ST6GAL2: variants seen among roughly 807,000 people sequenced by gnomAD.
ST6GAL2 encodes beta-galactoside alpha-2,6-sialyltransferase 2.
A neutral mutation model predicts 37.5 loss-of-function variants in ST6GAL2; 24 were observed. That is an observed-to-expected ratio of 0.64 (90% confidence interval 0.46 to 0.90). ST6GAL2 has a LOEUF of 0.90. Among genes scored for constraint, ST6GAL2 ranks in the 40% least tolerant of loss-of-function variants. The pLI, the probability that ST6GAL2 is intolerant of heterozygous loss-of-function variation, is 0.00. For synonymous variants in ST6GAL2, 306 were observed against 295.1 expected (o/e 1.04, Z -0.38); for missense variants, 715 against 712.7 (o/e 1.00, Z -0.04).
At chr2:106,827,656 C>T (rs913718364) in intron 5 of ST6GAL2, among the ~76,000 whole-genome samples, 2 of 152,152 alleles carry the variant, frequency 1.3e-5, no homozygotes, top group African/African-American at 2.4e-5. Context: ...GTCTACATAA[C>T]GTTCTGGGAC....
intron 1 of ST6GAL2, among the ~76,000 whole-genome samples, chr2:106,879,734 A>T (rs28588715): frequency 6.8e-6 from 1 of 146,830 alleles, no homozygotes; most frequent in Middle Eastern, 3.8e-3. Flanking sequence ...TATATAGACC[A>T]ATTATATATT....
intron 1 of ST6GAL2, among the ~76,000 whole-genome samples, chr2:106,861,881 C>T (rs1245757638): frequency 6.6e-6 from 1 of 152,114 alleles, no homozygotes; most frequent in Non-Finnish European, 1.5e-5. Flanking sequence ...ATCTGCCCGC[C>T]TTTGGCCTCC....
At position 106,806,740 on chromosome 2, in the gene ST6GAL2, C is replaced by A; in HGVS notation, c.1528G>T (p.Val510Phe). 1 of 1,614,172 alleles carries A rather than the reference C, an allele frequency of 6.2e-7. No individual in the cohort carries two copies. The highest frequency in any genetic ancestry group is 8.5e-7 in the Non-Finnish European group (1 of 1,180,028). The change falls in exon 6 of 6, where the codon GTT (valine) becomes TTT (phenylalanine). Residue 510 changes from valine (V) to phenylalanine (F), a missense_variant. Transcript: ENST00000409382. ...QGDLHRKGKV[V>F]LPGFQAVHCP... ...TGCACCGCCTGGAAGCCGGGAAGAA[C>A]CACCTTGCCCTTGCGATGCAAATCC...
chr2:106,816,662 A>G (rs1428062994), intron 5 of ST6GAL2, among the ~76,000 whole-genome samples: 2 of 152,224 alleles, frequency 1.3e-5, no homozygotes, highest in Non-Finnish European at 2.9e-5. Flanking sequence ...AGGGAGGCAG[A>G]GCAAGATGGC....
intron 5 of ST6GAL2, among the ~76,000 whole-genome samples, chr2:106,826,737 T>C (rs41326651): frequency 0.11 from 16,631 of 152,126 alleles, 1,221 homozygotes; most frequent in African/African-American, 0.17. Flanking sequence ...TTTAGAAATA[T>C]AAGTAATGGC....
At chr2:106,852,801 A>T (rs968573972) in intron 1 of ST6GAL2, among the ~76,000 whole-genome samples, 3 of 152,176 alleles carry the variant, frequency 2.0e-5, no homozygotes, top group African/African-American at 7.2e-5. Flanking sequence ...CAGTCGTGGC[A>T]GGAGTCAGGG....
Position 106,802,513 on chromosome 2 carries a change from G to A in ST6GAL2, c.*4165C>T, listed in dbSNP as rs866070282. The stretch of plus-strand genomic sequence containing the variant: ...GAACTTACATTTTATTTCCTTGAAC[G>A]GACAGAGAAATACCTTTCATTTATC... On this transcript the variant is annotated 3_prime_UTR_variant, in exon 6 of 6. Coordinates refer to ENST00000409382, the MANE Select transcript of ST6GAL2 (RefSeq NM_001142351.2). The A allele has an allele frequency of 6.6e-6, 1 of 151,844 alleles. No homozygotes were observed. The highest frequency in any genetic ancestry group is 1.9e-4 in the East Asian group (1 of 5,180). 9.4% of individuals were successfully genotyped at this position (151,844 alleles called of 1,614,324 possible). A position where few individuals can be genotyped will look rare whatever the true frequency, so the allele number is the denominator to read the frequency against.
chr2:106,884,444 T>C (rs1678875424), intron 1 of ST6GAL2, among the ~76,000 whole-genome samples: 1 of 152,112 alleles, frequency 6.6e-6, no homozygotes, highest in African/African-American at 2.4e-5. Context: ...TCACCAAATG[T>C]TGGTCCTTGC....
At chr2:106,826,185 A>G (rs1167877179) in intron 5 of ST6GAL2, among the ~76,000 whole-genome samples, 5 of 152,210 alleles carry the variant, frequency 3.3e-5, no homozygotes, top group East Asian at 1.9e-4. Flanking sequence ...TTGCACTGCT[A>G]TAATAAAATA....
intron 1 of ST6GAL2, among the ~76,000 whole-genome samples, chr2:106,862,208 A>C (rs548575197): frequency 3.6e-4 from 55 of 152,322 alleles, no homozygotes; most frequent in African/African-American, 1.2e-3. Context: ...AGCAGTACCA[A>C]TCTTTATGTT....
At chr2:106,833,244 CTTAG>C (rs1334910846) in intron 3 of ST6GAL2, among the ~76,000 whole-genome samples, 3 of 151,072 alleles carry the variant, frequency 2.0e-5, no homozygotes, top group African/African-American at 7.3e-5. Context: ...GTTAAAGTTT[CTTAG>C]TTAGAATGTA....
chr2:106,886,966 C>G (rs1288680355), upstream of ST6GAL2: 1 of 152,392 alleles, frequency 6.6e-6, no homozygotes, highest in Non-Finnish European at 1.5e-5. Context: ...CTAGTTCTTC[C>G]GAAGGTTACC....
At chr2:106,825,525 G>A (rs1285258976) in intron 5 of ST6GAL2, among the ~76,000 whole-genome samples, 2 of 152,202 alleles carry the variant, frequency 1.3e-5, no homozygotes, top group Non-Finnish European at 2.9e-5. Flanking sequence ...CTTTTGCTTT[G>A]CAGCAATGGT....
At chr2:106,860,791 G>C (rs538200250) in intron 1 of ST6GAL2, among the ~76,000 whole-genome samples, 65 of 152,272 alleles carry the variant, frequency 4.3e-4, no homozygotes, top group African/African-American at 1.4e-3. Context: ...ATCACTAAAG[G>C]CCTTCCCTCA....
At chr2:106,813,191 C>T (rs749012523) in intron 5 of ST6GAL2, 2 of 1,365,112 alleles carry the variant, frequency 1.5e-6, no homozygotes, top group South Asian at 1.9e-5. Flanking sequence ...CGGCTCACTG[C>T]AAGCTCTGAT....
intron 4 of ST6GAL2, among the ~76,000 whole-genome samples, 181 bp from the exon 5 acceptor site, chr2:106,830,421 A>ACCAGGGCGCTAGC (rs1676375125): frequency 1.3e-5 from 2 of 152,178 alleles, no homozygotes; most frequent in Non-Finnish European, 2.9e-5. Context: ...ACAAAGACAG[A>ACCAGGGCGCTAGC]CCAGGGCGCT....
At chr2:106,813,074 A>T in intron 5 of ST6GAL2, 1 of 1,226,282 alleles carries the variant, frequency 8.2e-7, no homozygotes, top group Non-Finnish European at 1.0e-6. Flanking sequence ...GCTGTTTTGA[A>T]TCTTTAAACA....
At chr2:106,881,731 T>G (rs1487779579) in intron 1 of ST6GAL2, among the ~76,000 whole-genome samples, 1 of 152,230 alleles carries the variant, frequency 6.6e-6, no homozygotes, top group Non-Finnish European at 1.5e-5. Flanking sequence ...TTGTTTTAAA[T>G]TTAATAAAGC....
rs886468845 is a variant in ST6GAL2 at position 106,806,577 on chromosome 2, A to G, written c.*101T>C. On this transcript the variant is annotated 3_prime_UTR_variant, in exon 6 of 6. Transcript: ENST00000409382. Reference sequence around the variant, plus strand: ...ACCACCACTAAATTACTGTTTAAAGACTCAAAACTACACTGTCTAAAATCT... The same window carrying G: ...ACCACCACTAAATTACTGTTTAAAGGCTCAAAACTACACTGTCTAAAATCT... The G allele has an allele frequency of 2.3e-6, 3 of 1,324,850 alleles. No homozygotes were observed. The allele number at this position is 1,324,850 out of a possible 1,614,324, so 82.1% of individuals were successfully genotyped here. A position where few individuals can be genotyped will look rare whatever the true frequency, so the allele number is the denominator to read the frequency against.
Sources: gnomAD v4.1 joint callset for allele counts (sites outside exome capture counted in the v4.1 genomes callset) on GRCh38, gnomAD v4.1.1 for gene constraint, MANE v1.5 for transcripts, NCBI Gene and HGNC (gene_info 2026-07-23, HGNC 2026-07-21) for gene names.